The following LRRTM4 variants were observed in gnomAD, a reference collection of about 807,000 sequenced individuals.
LRRTM4 encodes leucine rich repeat transmembrane neuronal 4, also known as leucine-rich repeat transmembrane neuronal protein 4.
In LRRTM4, 25 loss-of-function variants were observed where a neutral mutation model predicts 47.6. That is an observed-to-expected ratio of 0.53 (90% confidence interval 0.38 to 0.73). The LOEUF (loss-of-function observed/expected upper bound fraction) is 0.73, where lower values mean the gene tolerates loss of function less well. Among genes scored for constraint, LRRTM4 ranks in the 30% least tolerant of loss-of-function variants. The pLI is 0.00. For missense variants in LRRTM4, 638 were observed against 713.4 expected (o/e 0.89, Z 1.20); for synonymous variants, 311 against 269.5 (o/e 1.15, Z -1.51).
intron 3 of LRRTM4, among the ~76,000 whole-genome samples, chr2:77,350,183 G>T (rs1168280019): frequency 1.3e-5 from 2 of 149,846 alleles, no homozygotes; most frequent in Non-Finnish European, 3.0e-5. Context: ...AAAATTAGCC[G>T]GGCGCGGTGG....
chr2:77,197,610 A>C (rs1673865233), intron 3 of LRRTM4, among the ~76,000 whole-genome samples: 1 of 152,204 alleles, frequency 6.6e-6, no homozygotes, highest in African/African-American at 2.4e-5. Flanking sequence ...TATTCTGTAA[A>C]GTTTTGTATT....
chr2:76,994,262 AAGC>A (rs60345667), intron 3 of LRRTM4, among the ~76,000 whole-genome samples: 2,567 of 152,028 alleles, frequency 0.017, 58 homozygotes, highest in East Asian at 0.082. Flanking sequence ...CTTGAATCTA[AAGC>A]AGAAGTTGAA....
At chr2:77,484,752 A>G (rs1224528017) in intron 3 of LRRTM4, among the ~76,000 whole-genome samples, 1 of 152,166 alleles carries the variant, frequency 6.6e-6, no homozygotes, top group African/African-American at 2.4e-5. Context: ...TAAAAGTTTA[A>G]AAAAGTTTTC....
intron 3 of LRRTM4, among the ~76,000 whole-genome samples, chr2:77,514,274 G>C (rs917647298): frequency 6.6e-6 from 1 of 151,976 alleles, no homozygotes; most frequent in Non-Finnish European, 1.5e-5. Context: ...TTTCCTTAGA[G>C]TCCTCTTTAT....
chr2:77,437,354 T>C (rs1412640523), intron 3 of LRRTM4, among the ~76,000 whole-genome samples: 1 of 152,062 alleles, frequency 6.6e-6, no homozygotes, highest in Non-Finnish European at 1.5e-5. Context: ...AACCCTCTAA[T>C]GAACTCTATT....
At chr2:76,895,111 T>G (rs1673370438) in intron 3 of LRRTM4, among the ~76,000 whole-genome samples, 1 of 152,006 alleles carries the variant, frequency 6.6e-6, no homozygotes, top group African/African-American at 2.4e-5. Flanking sequence ...TAATCCCAAG[T>G]AGGTATTCTT....
chr2:77,049,085 CAGTT>C (rs1165702913), intron 3 of LRRTM4, among the ~76,000 whole-genome samples: 37 of 135,354 alleles, frequency 2.7e-4, no homozygotes, highest in South Asian at 9.4e-4. Context: ...CTGTGAATGA[CAGTT>C]TGTTTTTTTT....
At chr2:77,118,879 G>C (rs1671456247) in intron 3 of LRRTM4, among the ~76,000 whole-genome samples, 1 of 151,736 alleles carries the variant, frequency 6.6e-6, no homozygotes, top group African/African-American at 2.4e-5. Context: ...ATACATTTTT[G>C]TTCTAATCAG....
chr2:77,091,686 T>C (rs1191640729), intron 3 of LRRTM4, among the ~76,000 whole-genome samples: 1 of 149,482 alleles, frequency 6.7e-6, no homozygotes, highest in African/African-American at 2.4e-5. Context: ...TCACTTGGAC[T>C]GACCCTGACA....
chr2:77,220,368 C>A (rs764264431), intron 3 of LRRTM4, among the ~76,000 whole-genome samples: 1 of 152,156 alleles, frequency 6.6e-6, no homozygotes, highest in African/African-American at 2.4e-5. Flanking sequence ...ATGACTTCTA[C>A]GAGTTGAGAG....
chr2:77,325,577 T>C (rs1050918016), intron 3 of LRRTM4, among the ~76,000 whole-genome samples: 2 of 152,160 alleles, frequency 1.3e-5, no homozygotes, highest in Non-Finnish European at 2.9e-5. Flanking sequence ...AGATATGTAA[T>C]TGGCAGTGAG....
intron 3 of LRRTM4, among the ~76,000 whole-genome samples, chr2:77,444,542 G>T (rs1675973719): frequency 6.6e-6 from 1 of 151,854 alleles, no homozygotes; most frequent in African/African-American, 2.4e-5. Context: ...CATGTGATGT[G>T]GTTCTCCTTG....
chr2:77,087,256 T>C (rs1162491974), intron 3 of LRRTM4, among the ~76,000 whole-genome samples: 1 of 152,176 alleles, frequency 6.6e-6, no homozygotes, highest in Non-Finnish European at 1.5e-5. Context: ...CCTAAGTGAA[T>C]TGATGAACTA....
In LRRTM4 at chr2:76,902,318, A is replaced by C. The variant is rs548066681; in HGVS notation, c.1552-153402T>G. 9.9e-5 allele frequency among the ~76,000 whole-genome samples: 15 copies of C among 152,238 alleles called. No individual in the cohort carries two copies. The South Asian group carries it at 2.7e-3, about 27-fold the overall frequency. ...ATTTGTGTTTTTCCCTTTTTTATCT[A>C]TCTTTTTTTAAAATTAAATAACCAT... On this transcript the variant is annotated intron_variant, in intron 3 of 3. Coordinates refer to ENST00000409884, the MANE Select transcript of LRRTM4 (RefSeq NM_001134745.3).
At chr2:76,950,483 A>T (rs1675459665) in intron 3 of LRRTM4, among the ~76,000 whole-genome samples, 1 of 151,998 alleles carries the variant, frequency 6.6e-6, no homozygotes, top group Admixed American at 6.6e-5. Context: ...AAATTTTATT[A>T]ACCTTCAAAA....
intron 3 of LRRTM4, among the ~76,000 whole-genome samples, chr2:77,447,986 G>A (rs1676118699): frequency 6.6e-6 from 1 of 152,104 alleles, no homozygotes; most frequent in African/African-American, 2.4e-5. Context: ...AAGCAGAGAA[G>A]GTATTATTTA....
intron 3 of LRRTM4, among the ~76,000 whole-genome samples, chr2:77,018,132 T>A (rs979199057): frequency 5.3e-5 from 8 of 151,886 alleles, no homozygotes; most frequent in Non-Finnish European, 1.2e-4. Flanking sequence ...TTTTGAAATC[T>A]AGTTTCAATT....
At chr2:76,957,177 C>G (rs1162934272) in intron 3 of LRRTM4, among the ~76,000 whole-genome samples, 1 of 151,598 alleles carries the variant, frequency 6.6e-6, no homozygotes. Flanking sequence ...ACAAAAAATG[C>G]ATGATTTTCC....
chr2:77,159,474 A>G (rs1308160706), intron 3 of LRRTM4, among the ~76,000 whole-genome samples: 1 of 151,888 alleles, frequency 6.6e-6, no homozygotes, highest in Non-Finnish European at 1.5e-5. Flanking sequence ...ATACATATGT[A>G]ACAAACCTGC....
Sources: gnomAD v4.1 joint callset for allele counts (sites outside exome capture counted in the v4.1 genomes callset) on GRCh38, gnomAD v4.1.1 for gene constraint, MANE v1.5 for transcripts, NCBI Gene and HGNC (gene_info 2026-07-23, HGNC 2026-07-21) for gene names.